The following MCC variants were observed in gnomAD, a reference collection of about 807,000 sequenced individuals.
MCC encodes MCC regulator of Wnt signaling pathway.
In MCC, 90 loss-of-function variants were observed where a neutral mutation model predicts 116.2. That is an observed-to-expected ratio of 0.77 (90% confidence interval 0.65 to 0.92). The LOEUF (loss-of-function observed/expected upper bound fraction) is 0.92. Ranked by LOEUF, MCC falls within the 40% of genes least tolerant of loss-of-function variation. The pLI, the probability that MCC is intolerant of heterozygous loss-of-function variation, is 0.00. For missense variants in MCC, 1,516 were observed against 1,312.2 expected, an observed-to-expected ratio of 1.16 and a Z score of -2.40; for synonymous variants, 578 against 510.5, an observed-to-expected ratio of 1.13 and a Z score of -1.78.
chr5:113,094,912 G>C (rs1755913590), intron 8 of MCC, among the ~76,000 whole-genome samples: 1 of 152,184 alleles, frequency 6.6e-6, no homozygotes, highest in South Asian at 2.1e-4. Context: ...CCCTCATGAA[G>C]TAACTGGGAG....
chr5:113,294,444 C>T (rs1013702776), intron 3 of MCC: 6 of 1,611,208 alleles, frequency 3.7e-6, no homozygotes, highest in Non-Finnish European at 5.1e-6. Context: ...AAGAGTTGGA[C>T]TTCACAGGCT....
At chr5:113,394,551 C>T (rs1769478932) in intron 1 of MCC, among the ~76,000 whole-genome samples, 1 of 152,166 alleles carries the variant, frequency 6.6e-6, no homozygotes, top group Admixed American at 6.5e-5. Flanking sequence ...CTTTTAGCTT[C>T]TATAAACGGT....
At chr5:113,075,575 T>C (rs1754385814) in intron 11 of MCC, among the ~76,000 whole-genome samples, 1 of 152,326 alleles carries the variant, frequency 6.6e-6, no homozygotes, top group South Asian at 2.1e-4. Context: ...ACTCTGTGTC[T>C]AGCTCAAGGT....
chr5:113,056,801 C>T (rs1246236012), intron 14 of MCC, among the ~76,000 whole-genome samples: 1 of 152,184 alleles, frequency 6.6e-6, no homozygotes, highest in Non-Finnish European at 1.5e-5. Context: ...CAGAAGTCAT[C>T]ATTCATTTAT....
Position 113,173,556 on chromosome 5 carries a change from A to C in MCC, c.628-22134T>G, listed in dbSNP as rs183705687. 2.5e-3 allele frequency among the ~76,000 whole-genome samples: 374 copies of C among 152,314 alleles called. 2 individuals are homozygous for C. Among genetic ancestry groups the C allele is most frequent in the Non-Finnish European group, 4.1e-3 (279 of 68,032 alleles). On this transcript the variant is annotated intron_variant, in intron 3 of 18. Transcript: ENST00000408903. ...AAATCCCATGAGGCTCTGGATCACA[A>C]CACCACTAAACTTCTATTCTCCCCC...
intron 3 of MCC, among the ~76,000 whole-genome samples, chr5:113,250,108 C>T (rs1316235939): frequency 1.3e-5 from 2 of 152,190 alleles, no homozygotes; most frequent in African/African-American, 4.8e-5. Flanking sequence ...AGCTTTGCTT[C>T]CCATAGTGTC....
At chr5:113,299,045 T>C (rs1766784219) in intron 3 of MCC, among the ~76,000 whole-genome samples, 1 of 151,910 alleles carries the variant, frequency 6.6e-6, no homozygotes, top group South Asian at 2.1e-4. Flanking sequence ...TCCCAGCTCT[T>C]TGGGAGGCCA....
At chr5:113,485,431 T>C (rs899775113) in intron 1 of MCC, among the ~76,000 whole-genome samples, 3 of 152,234 alleles carry the variant, frequency 2.0e-5, no homozygotes, top group South Asian at 2.1e-4. Context: ...TTGAATTATA[T>C]GCTTCCTCGG....
At chr5:113,291,457 G>GA (rs1766492491) in intron 3 of MCC, among the ~76,000 whole-genome samples, 1 of 152,156 alleles carries the variant, frequency 6.6e-6, no homozygotes, top group Non-Finnish European at 1.5e-5. Context: ...TGTGGCTAGG[G>GA]GACCCTTACA....
chr5:113,266,693 T>C (rs769390746), intron 3 of MCC, among the ~76,000 whole-genome samples: 9 of 152,140 alleles, frequency 5.9e-5, no homozygotes, highest in Non-Finnish European at 1.0e-4. Context: ...CTTCCTTACA[T>C]TTAAAGGCAC....
At chr5:113,268,710 C>T (rs905135606) in intron 3 of MCC, among the ~76,000 whole-genome samples, 2 of 152,132 alleles carry the variant, frequency 1.3e-5, no homozygotes, top group Non-Finnish European at 2.9e-5. Flanking sequence ...GCTGGCAAAA[C>T]AAAAATTTTT....
intron 3 of MCC, among the ~76,000 whole-genome samples, chr5:113,278,190 G>A (rs1485515746): frequency 6.6e-6 from 1 of 152,168 alleles, no homozygotes; most frequent in Non-Finnish European, 1.5e-5. Flanking sequence ...ACCTGGCCCT[G>A]CCATCTACCA....
intron 1 of MCC, among the ~76,000 whole-genome samples, chr5:113,476,322 G>A (rs779304908): frequency 6.6e-6 from 1 of 152,200 alleles, no homozygotes; most frequent in South Asian, 2.1e-4. Context: ...AATCAAGACA[G>A]TATGGTACTA....
chr5:113,266,338 T>A (rs887854202), intron 3 of MCC, among the ~76,000 whole-genome samples: 6 of 151,968 alleles, frequency 3.9e-5, no homozygotes, highest in Non-Finnish European at 7.4e-5. Flanking sequence ...TCCCCCAAAG[T>A]GGGACTCTTG....
intron 3 of MCC, among the ~76,000 whole-genome samples, chr5:113,332,447 C>A (rs7732247): frequency 6.6e-6 from 1 of 150,932 alleles, no homozygotes; most frequent in East Asian, 1.9e-4. Flanking sequence ...CAGTGACTTA[C>A]GCCTATAATC....
intron 2 of MCC, among the ~76,000 whole-genome samples, chr5:113,357,658 G>A (rs1351627691): frequency 1.3e-5 from 2 of 152,208 alleles, no homozygotes; most frequent in African/African-American, 4.8e-5. Flanking sequence ...TGTGCACTAA[G>A]GCAAAATGGT....
At chr5:113,429,302 C>G (rs1389137713) in intron 1 of MCC, among the ~76,000 whole-genome samples, 1 of 151,986 alleles carries the variant, frequency 6.6e-6, no homozygotes, top group East Asian at 1.9e-4. Flanking sequence ...AGATCTTTCT[C>G]TCTGTGCCAT....
chr5:113,304,102 C>T (rs1015252956), intron 3 of MCC, among the ~76,000 whole-genome samples: 8 of 152,128 alleles, frequency 5.3e-5, no homozygotes, highest in Admixed American at 5.2e-4. Flanking sequence ...AGCACCTCGG[C>T]AAGGATTAGA....
At chr5:113,189,541 G>C (rs965119227) in intron 3 of MCC, among the ~76,000 whole-genome samples, 2 of 152,172 alleles carry the variant, frequency 1.3e-5, no homozygotes, top group African/African-American at 4.8e-5. Flanking sequence ...CTTAAAAGCA[G>C]TGTTGGACTC....
Sources: gnomAD v4.1 joint callset for allele counts (sites outside exome capture counted in the v4.1 genomes callset) on GRCh38, gnomAD v4.1.1 for gene constraint, MANE v1.5 for transcripts, NCBI Gene and HGNC (gene_info 2026-07-23, HGNC 2026-07-21) for gene names.